ARSB: variants seen among roughly 807,000 people sequenced by gnomAD.
The protein encoded by ARSB is N-acetylgalactosamine-4-sulfatase.
In ARSB, 41 loss-of-function variants were observed where a neutral mutation model predicts 50.9. The observed-to-expected ratio is 0.81, with a 90% CI of 0.63 to 1.04. ARSB has a LOEUF of 1.04. Ranked by LOEUF, ARSB falls within the 50% of genes least tolerant of loss-of-function variation. ARSB has a pLI of 0.00. For missense variants in ARSB, 672 were observed against 693.3 expected, an observed-to-expected ratio of 0.97 and a Z score of 0.35; for synonymous variants, 269 against 284.8, an observed-to-expected ratio of 0.94 and a Z score of 0.56.
chr5:78,857,324 T>A (rs1197963218), intron 5 of ARSB, among the ~76,000 whole-genome samples: 1 of 152,210 alleles, frequency 6.6e-6, no homozygotes, highest in East Asian at 1.9e-4. Context: ...AGTCTACTCA[T>A]TATAGACTGT....
chr5:78,968,891 C>A, intron 2 of ARSB, 115 bp downstream of exon 2: 1 of 1,233,444 alleles, frequency 8.1e-7, no homozygotes, highest in Non-Finnish European at 1.2e-6. Flanking sequence ...ACAGTGCCGA[C>A]TGATTCACTC....
chr5:78,923,491 G>A (rs958041050), intron 4 of ARSB, among the ~76,000 whole-genome samples: 8 of 152,182 alleles, frequency 5.3e-5, no homozygotes, highest in Non-Finnish European at 1.0e-4. Flanking sequence ...ATGCATAGAC[G>A]CGTCTACAAG....
chr5:78,792,804 GC>G (rs1363851938), intron 6 of ARSB, among the ~76,000 whole-genome samples: 2 of 150,258 alleles, frequency 1.3e-5, no homozygotes, highest in African/African-American at 5.0e-5. Context: ...TGAACCTATG[GC>G]CTCTGACTGA....
At chr5:78,883,851 G>C (rs1021506470) in intron 5 of ARSB, 1 of 152,054 alleles carries the variant, frequency 6.6e-6, no homozygotes, top group African/African-American at 2.4e-5. Context: ...AACTTCCTTT[G>C]TAAAAACTAA....
intron 4 of ARSB, among the ~76,000 whole-genome samples, chr5:78,908,461 A>G (rs992504413): frequency 7.9e-5 from 12 of 152,198 alleles, no homozygotes; most frequent in Admixed American, 1.3e-4. Flanking sequence ...GCAGCAGCGG[A>G]GAGCACAGGA....
rs564324825 is a variant in ARSB at position 78,805,554 on chromosome 5, G to A, written c.1214-23580C>T. On this transcript the variant is annotated intron_variant, in intron 6 of 7. Transcript: ENST00000264914. ...TCTTTCACTGCTTTCCACAGAGGTA[G>A]GAACCATTTCTGAGAAAGCAAGGCT... Among the ~76,000 whole-genome samples, 100 of 152,284 alleles carry A rather than the reference G, an allele frequency of 6.6e-4. 1 individual carries two copies. In the Middle Eastern group the frequency reaches 0.01, roughly 16 times the overall value.
At position 78,861,434 on chromosome 5, in the gene ARSB, C is replaced by A. The variant is rs370007097; in HGVS notation, c.1143-22008G>T. On this transcript the variant is annotated intron_variant, in intron 5 of 7. Coordinates refer to ENST00000264914, the MANE Select transcript of ARSB (RefSeq NM_000046.5). ...CCACCAAGATCAAGTTGGCTTCATC[C>A]CTGGGATGCATGGCTGGTTCAACAT... Among the ~76,000 whole-genome samples, 18 of 152,208 alleles carry A rather than the reference C, an allele frequency of 1.2e-4. No homozygotes were observed. In the East Asian group the frequency reaches 1.5e-3, roughly 13 times the overall value.
intron 5 of ARSB, among the ~76,000 whole-genome samples, chr5:78,878,137 G>T (rs535855495): frequency 6.6e-6 from 1 of 152,172 alleles, no homozygotes; most frequent in Non-Finnish European, 1.5e-5. Context: ...ACAACTTTAA[G>T]TGTCCAAGTG....
intron 5 of ARSB, among the ~76,000 whole-genome samples, chr5:78,863,691 G>A (rs1278153693): frequency 1.3e-5 from 2 of 151,986 alleles, no homozygotes; most frequent in African/African-American, 4.8e-5. Flanking sequence ...CACCAACATG[G>A]CACATGTATA....
chr5:78,966,230 T>C (rs1752199731), intron 2 of ARSB, among the ~76,000 whole-genome samples: 1 of 152,214 alleles, frequency 6.6e-6, no homozygotes, highest in Non-Finnish European at 1.5e-5. Context: ...ATAAAACTAT[T>C]CACATACTTG....
intron 1 of ARSB, among the ~76,000 whole-genome samples, chr5:78,980,734 A>ATGTGTGTGTGTGTG (rs1554089416): frequency 1.3e-5 from 2 of 150,900 alleles, no homozygotes; most frequent in East Asian, 3.9e-4. Flanking sequence ...AAGTGTGTGT[A>ATGTGTGTGTGTGTG]TGTGTGTGTG....
intron 6 of ARSB, among the ~76,000 whole-genome samples, chr5:78,826,042 C>A (rs116427511): frequency 0.014 from 2,149 of 149,770 alleles, 55 homozygotes; most frequent in African/African-American, 0.048. Context: ...CCATGTCTTT[C>A]CTTTTTCTTT....
At chr5:78,811,797 GA>G (rs1743814604) in intron 6 of ARSB, among the ~76,000 whole-genome samples, 1 of 152,118 alleles carries the variant, frequency 6.6e-6, no homozygotes, top group Non-Finnish European at 1.5e-5. Flanking sequence ...TAGATCGTGT[GA>G]AGCAATGAAT....
intron 6 of ARSB, among the ~76,000 whole-genome samples, chr5:78,838,997 C>G (rs1745069804): frequency 2.6e-5 from 4 of 152,182 alleles, no homozygotes; most frequent in Admixed American, 2.6e-4. Context: ...TGGAAGGTGG[C>G]TCTGGAGCTC....
intron 5 of ARSB, among the ~76,000 whole-genome samples, chr5:78,874,739 T>C (rs920681809): frequency 2.0e-5 from 3 of 152,138 alleles, no homozygotes; most frequent in Admixed American, 6.6e-5. Context: ...ACTTAACAAC[T>C]ACAGAATACG....
At chr5:78,834,051 G>C (rs561846181) in intron 6 of ARSB, among the ~76,000 whole-genome samples, 35 of 152,122 alleles carry the variant, frequency 2.3e-4, no homozygotes, top group Non-Finnish European at 3.7e-4. Context: ...CAATGACTTT[G>C]ACAGGTTGAT....
At chr5:78,879,779 C>G (rs1232127862) in intron 5 of ARSB, among the ~76,000 whole-genome samples, 1 of 152,158 alleles carries the variant, frequency 6.6e-6, no homozygotes, top group Non-Finnish European at 1.5e-5. Context: ...GTTCTGCCAC[C>G]GATTCCGAAC....
chr5:78,870,206 A>C (rs1046286685), intron 5 of ARSB, among the ~76,000 whole-genome samples: 10 of 146,982 alleles, frequency 6.8e-5, no homozygotes, highest in Admixed American at 6.3e-4. Flanking sequence ...CAGGACCAGA[A>C]GGATTCACAG....
intron 6 of ARSB, among the ~76,000 whole-genome samples, chr5:78,804,149 C>G (rs1259841855): frequency 6.6e-6 from 1 of 151,540 alleles, no homozygotes; most frequent in African/African-American, 2.4e-5. Flanking sequence ...GAAACAAATG[C>G]CAGGGAAGAG....
Sources: gnomAD v4.1 joint callset for allele counts (sites outside exome capture counted in the v4.1 genomes callset) on GRCh38, gnomAD v4.1.1 for gene constraint, MANE v1.5 for transcripts, NCBI Gene and HGNC (gene_info 2026-07-23, HGNC 2026-07-21) for gene names.